The following EDIL3 variants were observed in gnomAD, a reference collection of about 807,000 sequenced individuals.
The protein encoded by EDIL3 is EGF like and discoidin domains 3.
A neutral mutation model predicts 67.4 loss-of-function variants in EDIL3; 37 were observed. That is an observed-to-expected ratio of 0.55 (90% confidence interval 0.42 to 0.72). EDIL3 has a LOEUF of 0.72. Among genes scored for constraint, EDIL3 ranks in the 30% least tolerant of loss-of-function variants. EDIL3 has a pLI of 0.00. For synonymous variants in EDIL3, 195 were observed against 196.3 expected (o/e 0.99, Z 0.05); for missense variants, 527 against 586.3 (o/e 0.90, Z 1.04).
At chr5:84,215,443 G>T (rs2112394069) in intron 3 of EDIL3, among the ~76,000 whole-genome samples, 1 of 152,160 alleles carries the variant, frequency 6.6e-6, no homozygotes, top group South Asian at 2.1e-4. Flanking sequence ...TAGTAGAGAT[G>T]GGGCTTCACT....
intron 9 of EDIL3, among the ~76,000 whole-genome samples, chr5:83,987,032 T>C (rs1422263897): frequency 1.3e-5 from 2 of 152,108 alleles, no homozygotes; most frequent in South Asian, 2.1e-4. Context: ...AAATGTGCCA[T>C]ATTAAAAATA....
intron 1 of EDIL3, among the ~76,000 whole-genome samples, chr5:84,295,170 T>C (rs893886448): frequency 1.3e-5 from 2 of 149,288 alleles, no homozygotes; most frequent in African/African-American, 5.2e-5. Context: ...TATCATAATA[T>C]AGAGGAAATT....
At chr5:84,110,143 T>C (rs150096870) in intron 5 of EDIL3, among the ~76,000 whole-genome samples, 25 of 152,312 alleles carry the variant, frequency 1.6e-4, no homozygotes, top group South Asian at 4.1e-4. Flanking sequence ...AAATATGCAC[T>C]GAACGTTGTT....
chr5:84,185,801 G>A (rs1451055265), intron 3 of EDIL3, among the ~76,000 whole-genome samples: 1 of 152,072 alleles, frequency 6.6e-6, no homozygotes, highest in African/African-American at 2.4e-5. Context: ...CCATTAGAAT[G>A]TGTACTTTTG....
At chr5:83,973,471 T>C (rs1744826022) in intron 9 of EDIL3, among the ~76,000 whole-genome samples, 1 of 152,116 alleles carries the variant, frequency 6.6e-6, no homozygotes, top group South Asian at 2.1e-4. Flanking sequence ...TGTTATTTAG[T>C]ATTTTTTGAT....
chr5:84,061,770 T>G (rs552359802), intron 8 of EDIL3, among the ~76,000 whole-genome samples: 17 of 152,256 alleles, frequency 1.1e-4, no homozygotes, highest in Admixed American at 1.0e-3. Context: ...TTTGTATGAT[T>G]TCTGTAAAAC....
chr5:84,139,213 G>A (rs1239570128), intron 4 of EDIL3, among the ~76,000 whole-genome samples: 1 of 151,410 alleles, frequency 6.6e-6, no homozygotes, highest in Non-Finnish European at 1.5e-5. Flanking sequence ...CTCCAGCCTG[G>A]GCAACAGAGC....
Position 84,356,246 on chromosome 5 carries a change from T to C in EDIL3, c.67+28062A>G, listed in dbSNP as rs148617301. Among the ~76,000 whole-genome samples the C allele has an allele frequency of 3.9e-5, 6 of 152,338 alleles. No individual in the cohort carries two copies. In the East Asian group the frequency reaches 7.7e-4, roughly 20 times the overall value. On this transcript the variant is annotated intron_variant, in intron 1 of 10. Transcript: ENST00000296591. ...TGTCTTTTAAATGAACTGATAAACA[T>C]ATGCTTAAACACATTGCTGTCTAAT...
intron 9 of EDIL3, among the ~76,000 whole-genome samples, chr5:84,018,149 T>C (rs1419915125): frequency 6.6e-6 from 1 of 152,190 alleles, no homozygotes; most frequent in Non-Finnish European, 1.5e-5. Flanking sequence ...TCTTGTGGCA[T>C]GGTTGTCTAA....
At chr5:84,318,029 A>G (rs2112151775) in intron 1 of EDIL3, among the ~76,000 whole-genome samples, 1 of 152,300 alleles carries the variant, frequency 6.6e-6, no homozygotes, top group South Asian at 2.1e-4. Context: ...ACAGACAGAG[A>G]GCCAAACCAT....
Position 84,235,309 on chromosome 5 carries a change from T to A in EDIL3, c.197-5425A>T, listed in dbSNP as rs533593193. Among the ~76,000 whole-genome samples, 4 of 152,278 alleles carry A rather than the reference T, an allele frequency of 2.6e-5. No homozygotes were observed. The East Asian group carries it at 7.7e-4, about 29-fold the overall frequency. On this transcript the variant is annotated intron_variant, in intron 2 of 10. Transcript: ENST00000296591. Reference sequence around the variant, plus strand: ...GTGGTCAACTCCACAATCTCAGAACTGCAGAGTATTTGGGTCACTGTGAGG... The same window carrying A: ...GTGGTCAACTCCACAATCTCAGAACAGCAGAGTATTTGGGTCACTGTGAGG...
At chr5:84,137,479 G>T in intron 4 of EDIL3, 125 bp from the exon 5 acceptor site, 1 of 727,556 alleles carries the variant, frequency 1.4e-6, no homozygotes, top group Non-Finnish European at 2.2e-6. Context: ...GTGTAGGCAT[G>T]TGTGTGTTTA....
intron 3 of EDIL3, among the ~76,000 whole-genome samples, chr5:84,201,240 G>A (rs937045477): frequency 1.3e-5 from 2 of 152,000 alleles, no homozygotes; most frequent in Non-Finnish European, 2.9e-5. Flanking sequence ...TCAATTTCTT[G>A]TAAACAAGCT....
intron 9 of EDIL3, among the ~76,000 whole-genome samples, chr5:83,987,854 G>GGTGT (rs141209055): frequency 1.1e-4 from 12 of 113,070 alleles, no homozygotes; most frequent in African/African-American, 3.9e-4. Flanking sequence ...CAGCTGATAG[G>GGTGT]GTGTGTGTGT....
intron 1 of EDIL3, among the ~76,000 whole-genome samples, chr5:84,381,148 C>A (rs1748068204): frequency 1.3e-5 from 2 of 152,114 alleles, no homozygotes; most frequent in South Asian, 4.1e-4. Flanking sequence ...TATTTTAAGT[C>A]TTTTCCCAAA....
At chr5:84,060,063 A>G (rs369751723) in intron 9 of EDIL3, among the ~76,000 whole-genome samples, 22 of 152,328 alleles carry the variant, frequency 1.4e-4, no homozygotes, top group African/African-American at 4.6e-4. Flanking sequence ...ACATAGTGTG[A>G]TCTGGTACAG....
intron 1 of EDIL3, among the ~76,000 whole-genome samples, chr5:84,374,432 G>A (rs1580109944): frequency 6.6e-6 from 1 of 152,142 alleles, no homozygotes; most frequent in African/African-American, 2.4e-5. Flanking sequence ...GTTTCCTAAA[G>A]TGGAAAATAC....
chr5:84,148,946 CTT>C (rs558474003), intron 4 of EDIL3, among the ~76,000 whole-genome samples: 412 of 137,446 alleles, frequency 3.0e-3, no homozygotes, highest in Middle Eastern at 0.012. Context: ...GGCAGACCCT[CTT>C]GTTTTAAAAA....
intron 10 of EDIL3, among the ~76,000 whole-genome samples, chr5:83,960,474 T>C (rs1561386010): frequency 6.6e-6 from 1 of 151,086 alleles, no homozygotes; most frequent in Non-Finnish European, 1.5e-5. Flanking sequence ...ACTGTATGCA[T>C]GTATTAAAAT....
Sources: allele counts gnomAD v4.1 joint callset (sites outside exome capture counted in the v4.1 genomes callset), GRCh38; gene constraint gnomAD v4.1.1; transcripts MANE v1.5; gene names NCBI Gene and HGNC (gene_info 2026-07-23, HGNC 2026-07-21).